The following ACACA variants were observed in gnomAD, a reference collection of about 807,000 sequenced individuals.
ACACA encodes acetyl-CoA carboxylase 1.
ACACA carries 103 observed loss-of-function variants against 296.1 expected under a neutral mutation model. The observed-to-expected ratio is 0.35, with a 90% CI of 0.30 to 0.41. The LOEUF (loss-of-function observed/expected upper bound fraction) is 0.41, where lower values mean the gene tolerates loss of function less well. ACACA is among the 10% of genes least tolerant of loss of function. ACACA has a pLI of 1.00. For synonymous variants in ACACA, 953 were observed against 1,038.6 expected, an observed-to-expected ratio of 0.92 and a Z score of 1.58; for missense variants, 1,554 against 2,989.7, an observed-to-expected ratio of 0.52 and a Z score of 11.20.
intron 3 of ACACA, among the ~76,000 whole-genome samples, chr17:37,312,837 G>T (rs1232212343): frequency 1.3e-5 from 2 of 151,722 alleles, no homozygotes; most frequent in African/African-American, 4.8e-5. Context: ...AACCAGCCTG[G>T]ACAACATAGC....
intron 10 of ACACA, among the ~76,000 whole-genome samples, chr17:37,267,378 C>T (rs1341474158): frequency 6.6e-6 from 1 of 152,204 alleles, no homozygotes; most frequent in Non-Finnish European, 1.5e-5. Flanking sequence ...GCTCATGTGA[C>T]CTCTCCTTCT....
intron 1 of ACACA, among the ~76,000 whole-genome samples, chr17:37,341,374 T>G (rs1597648878): frequency 6.6e-6 from 1 of 152,126 alleles, no homozygotes; most frequent in Non-Finnish European, 1.5e-5. Flanking sequence ...TAAATGACAT[T>G]TTATTATGAG....
chr17:37,366,721 C>G (rs191829365), intron 1 of ACACA, among the ~76,000 whole-genome samples: 3 of 152,122 alleles, frequency 2.0e-5, no homozygotes, highest in Admixed American at 2.0e-4. Flanking sequence ...CCCGCCTTAG[C>G]CTCCCAAAGT....
At chr17:37,198,446 G>A (rs2078100828) in intron 35 of ACACA, among the ~76,000 whole-genome samples, 1 of 152,186 alleles carries the variant, frequency 6.6e-6, no homozygotes, top group South Asian at 2.1e-4. Flanking sequence ...TCCAGGGCCT[G>A]GCTCTGGCAT....
At chr17:37,179,899 C>A (rs1350411754) in intron 40 of ACACA, among the ~76,000 whole-genome samples, 1 of 152,122 alleles carries the variant, frequency 6.6e-6, no homozygotes, top group Non-Finnish European at 1.5e-5. Flanking sequence ...GCTATAGGAC[C>A]ACACACAGGA....
chr17:37,246,707 A>G, intron 19 of ACACA, 119 bp downstream of exon 19: 1 of 1,341,516 alleles, frequency 7.5e-7, no homozygotes. Context: ...TGGTAGGATT[A>G]CAGGCACAAG....
intron 41 of ACACA, among the ~76,000 whole-genome samples, chr17:37,171,015 A>G (rs2076863870): frequency 6.6e-6 from 1 of 152,216 alleles, no homozygotes; most frequent in South Asian, 2.1e-4. Context: ...TCTTTGCCAC[A>G]GCTGCCTTTC....
chr17:37,200,169 C>G lies in ACACA; in HGVS notation c.4128G>C (p.Gln1376His), dbSNP rs1256687913. The G allele has an allele frequency of 1.2e-6, 2 of 1,608,772 alleles. No individual in the cohort carries two copies. Among genetic ancestry groups the G allele is most frequent in the South Asian group, 2.2e-5 (2 of 90,944 alleles). Reference sequence around the variant, plus strand: ...ATCTCCGATCCACCTCATAGTTGACCTGCTTTCTGAAATCCTTTCAAATAA... The same window carrying G: ...ATCTCCGATCCACCTCATAGTTGACGTGCTTTCTGAAATCCTTTCAAATAA... Reference protein sequence around the residue: ...FLVAQKDFRKQVNYEVDRRFH... With the variant: ...FLVAQKDFRKHVNYEVDRRFH... Residue 1376 changes from glutamine to histidine, a missense_variant, in exon 35 of 56, where the codon CAG (glutamine) becomes CAC (histidine). By Grantham distance (24) the Gln-to-His change is conservative. This residue lies in a region of ACACA where 179 missense variants were observed against 283.2 expected (regional missense o/e 0.63). Coordinates refer to ENST00000616317, the MANE Select transcript of ACACA (RefSeq NM_198834.3).
intron 3 of ACACA, among the ~76,000 whole-genome samples, chr17:37,295,940 TA>T (rs1468330946): frequency 6.6e-6 from 1 of 151,262 alleles, no homozygotes; most frequent in Non-Finnish European, 1.5e-5. Context: ...ATCAAAAAAT[TA>T]AAATAAAAAA....
chr17:37,331,094 CATTT>C (rs34937895), intron 2 of ACACA, among the ~76,000 whole-genome samples: 20,724 of 146,130 alleles, frequency 0.14, 1,709 homozygotes, highest in East Asian at 0.42. Context: ...TTTTATTTTT[CATTT>C]ATTTATTTAT....
At chr17:37,354,900 C>T (rs1192879407) in intron 1 of ACACA, among the ~76,000 whole-genome samples, 5 of 152,108 alleles carry the variant, frequency 3.3e-5, no homozygotes, top group East Asian at 1.9e-4. Flanking sequence ...GCACTCCATC[C>T]GGCCTGGGTG....
chr17:37,104,071 A>T (rs527487012), intron 52 of ACACA, among the ~76,000 whole-genome samples: 1 of 152,310 alleles, frequency 6.6e-6, no homozygotes, highest in Non-Finnish European at 1.5e-5. Context: ...GAAGAAGAAG[A>T]ATTATCTTGG....
intron 1 of ACACA, among the ~76,000 whole-genome samples, chr17:37,381,548 T>G (rs1345732123): frequency 6.6e-6 from 1 of 151,836 alleles, no homozygotes; most frequent in Non-Finnish European, 1.5e-5. Context: ...TACGTATATA[T>G]TTACCCCATA....
At chr17:37,260,794 A>G (rs1374084432) in intron 11 of ACACA, among the ~76,000 whole-genome samples, 1 of 152,160 alleles carries the variant, frequency 6.6e-6, no homozygotes, top group Admixed American at 6.5e-5. Context: ...GAATCCCAAG[A>G]TGGTCTCGTG....
chr17:37,247,640 T>C (rs1278071601), intron 18 of ACACA, among the ~76,000 whole-genome samples: 1 of 152,250 alleles, frequency 6.6e-6, no homozygotes, highest in Non-Finnish European at 1.5e-5. Context: ...GTGCTGGGAT[T>C]ACAGGCGTGA....
At chr17:37,140,948 G>A in intron 45 of ACACA, 2 of 331,022 alleles carry the variant, frequency 6.0e-6, no homozygotes, top group South Asian at 2.7e-5. Context: ...ACCTTGCAAG[G>A]AATGGTGTGG....
chr17:37,297,827 A>T (rs1323542132), intron 3 of ACACA, among the ~76,000 whole-genome samples: 1 of 152,122 alleles, frequency 6.6e-6, no homozygotes, highest in Non-Finnish European at 1.5e-5. Flanking sequence ...CTGGGATTAC[A>T]GGCATAAGCC....
rs60788220 is a variant in ACACA at position 37,390,175 on chromosome 17, T to TATATATATATATATATACAC, written c.38+16086_38+16087insGTGTATATATATATATATAT. 4.3e-4 allele frequency among the ~76,000 whole-genome samples: 19 copies of TATATATATATATATATACAC among 44,502 alleles called. 1 individual carries two copies. The highest frequency in any genetic ancestry group is 6.4e-4 in the East Asian group (1 of 1,574). The allele number at this position is 44,502 out of a possible 152,430, so 29.2% of individuals were successfully genotyped here. A position where few individuals can be genotyped will look rare whatever the true frequency, so the allele number is the denominator to read the frequency against. On this transcript the variant is annotated intron_variant, in intron 1 of 55. Coordinates refer to ENST00000616317, the MANE Select transcript of ACACA (RefSeq NM_198834.3). ...ATATATATATATATATATATATATA[T>TATATATATATATATATACAC]ACACACACACATTATATATAAATAT...
At chr17:37,175,094 C>CT (rs2077059559) in intron 41 of ACACA, among the ~76,000 whole-genome samples, 1 of 152,162 alleles carries the variant, frequency 6.6e-6, no homozygotes, top group African/African-American at 2.4e-5. Flanking sequence ...ACTAAAGTTA[C>CT]TATGGTAGTT....
Sources: allele counts gnomAD v4.1 joint callset (sites outside exome capture counted in the v4.1 genomes callset), GRCh38; gene constraint gnomAD v4.1.1; regional missense constraint gnomAD v4.1.1; transcripts MANE v1.5; gene names NCBI Gene and HGNC (gene_info 2026-07-23, HGNC 2026-07-21).